RNF213: variants seen among roughly 807,000 people sequenced by gnomAD.
The protein encoded by RNF213 is ring finger protein 213.
A neutral mutation model predicts 514.4 loss-of-function variants in RNF213; 341 were observed. The observed-to-expected ratio is 0.66, with a 90% CI of 0.61 to 0.73. The LOEUF (loss-of-function observed/expected upper bound fraction) is 0.73, where lower values mean the gene tolerates loss of function less well. RNF213 is among the 30% of genes least tolerant of loss of function. The pLI is 0.00. For synonymous variants in RNF213, 2,655 were observed against 2,658.2 expected (o/e 1.00, Z 0.04); for missense variants, 5,767 against 6,615.6 (o/e 0.87, Z 4.45).
intron 54 of RNF213, among the ~76,000 whole-genome samples, chr17:80,378,907 G>T (rs562493705): frequency 1.4e-4 from 21 of 152,124 alleles, no homozygotes; most frequent in Non-Finnish European, 3.1e-4. Context: ...GGTGTGGTAG[G>T]TCACACCTGT....
Position 80,273,223 on chromosome 17 carries a change from C to T in RNF213, c.98-18C>T. 1 of 1,613,318 alleles carries T rather than the reference C, an allele frequency of 6.2e-7. No individual in the cohort carries two copies. Among genetic ancestry groups the T allele is most frequent in the Non-Finnish European group, 8.5e-7 (1 of 1,179,836 alleles). Reference sequence around the variant, plus strand: ...GCTTCTCTCTGAGATCTGACCCTTCCTTCATCTGCCGTTACAGATTCTGAG... The same window carrying T: ...GCTTCTCTCTGAGATCTGACCCTTCTTTCATCTGCCGTTACAGATTCTGAG... On this transcript the variant is annotated intron_variant, in intron 2 of 67. Coordinates refer to ENST00000582970, the MANE Select transcript of RNF213 (RefSeq NM_001256071.3).
At chr17:80,284,360 G>A (rs867542595) in intron 3 of RNF213, among the ~76,000 whole-genome samples, 1 of 150,338 alleles carries the variant, frequency 6.7e-6, no homozygotes, top group Non-Finnish European at 1.5e-5. Context: ...GTGAAACTTC[G>A]TCTCAAAAAA....
intron 8 of RNF213, among the ~76,000 whole-genome samples, chr17:80,293,137 A>G (rs1296402108): frequency 6.6e-6 from 1 of 151,982 alleles, no homozygotes; most frequent in African/African-American, 2.4e-5. Flanking sequence ...GGCTCACTAC[A>G]GCCTCAACCA....
At chr17:80,290,500 CGT>C in intron 6 of RNF213, 68 bp from the exon 7 acceptor site, 1 of 1,560,764 alleles carries the variant, frequency 6.4e-7, no homozygotes, top group Non-Finnish European at 8.8e-7. Context: ...TGTGTGTGCG[CGT>C]GTGTGCATGC....
At chr17:80,389,462 G>A in intron 65 of RNF213, 95 bp downstream of exon 65, 1 of 1,112,878 alleles carries the variant, frequency 9.0e-7, no homozygotes, top group Non-Finnish European at 1.3e-6. Context: ...TGCCACTCTA[G>A]GCGCTCCTGA....
At chr17:80,285,828 G>A (rs1017660291) in intron 3 of RNF213, among the ~76,000 whole-genome samples, 9 of 152,068 alleles carry the variant, frequency 5.9e-5, no homozygotes, top group African/African-American at 1.9e-4. Flanking sequence ...CTGCCACCAC[G>A]CCCAGCTAAT....
At chr17:80,370,990 G>A (rs1001743541) in intron 46 of RNF213, among the ~76,000 whole-genome samples, 5 of 148,882 alleles carry the variant, frequency 3.4e-5, no homozygotes, top group African/African-American at 9.8e-5. Context: ...GCAATTTGTG[G>A]TGATATTAAT....
intron 41 of RNF213, among the ~76,000 whole-genome samples, 192 bp downstream of exon 41, chr17:80,363,982 C>T (rs528569418): frequency 1.1e-4 from 16 of 152,284 alleles, no homozygotes; most frequent in African/African-American, 3.1e-4. Flanking sequence ...GCTGGAGACA[C>T]GAGAGGCGGC....
At chr17:80,382,953 C>T in intron 57 of RNF213, 26 bp from the exon 58 acceptor site, 3 of 1,478,096 alleles carry the variant, frequency 2.0e-6, no homozygotes, top group Non-Finnish European at 2.8e-6. Context: ...CCTTGGGTAA[C>T]CTACACATTT....
At position 80,367,805 on chromosome 17, in the gene RNF213, A is replaced by G. The variant is rs768677550; in HGVS notation, c.11929A>G (p.Thr3977Ala). ...CGGGCCTTTTGAGGCCGTGATGCGC[A>G]CTCTCTGTGAATGCAAGGAGACAGC... is the stretch of plus-strand genomic sequence containing the variant. ...THGPFEAVMRTLCECKETASK... is the reference protein window; with the variant it reads ...THGPFEAVMRALCECKETASK... The change falls in exon 43 of 68, where the codon ACT becomes GCT. Residue 3977 changes from threonine to alanine, a missense_variant. Thr to Ala is a moderately conservative substitution (Grantham distance 58). Coordinates refer to ENST00000582970, the MANE Select transcript of RNF213 (RefSeq NM_001256071.3). The G allele has an allele frequency of 3.7e-6, 6 of 1,614,104 alleles. No individual in the cohort carries two copies. Among genetic ancestry groups the G allele is most frequent in the Non-Finnish European group, 3.4e-6 (4 of 1,180,008 alleles).
In RNF213 at chr17:80,282,099, C is replaced by T. The variant is rs565105601; in HGVS notation, c.262-5716C>T. 3.6e-4 allele frequency among the ~76,000 whole-genome samples: 55 copies of T among 152,172 alleles called. 1 individual carries two copies. The South Asian group carries it at 8.7e-3, about 24-fold the overall frequency. On this transcript the variant is annotated intron_variant, in intron 3 of 67. Coordinates refer to ENST00000582970, the MANE Select transcript of RNF213 (RefSeq NM_001256071.3). ...TTCAAGCTCCTGACCTCAAGGAATC[C>T]GCCTGCCTTGACCTCCCAAAGTATT...
chr17:80,336,440 G>T, intron 23 of RNF213, 62 bp downstream of exon 23: 1 of 1,409,532 alleles, frequency 7.1e-7, no homozygotes, highest in South Asian at 1.2e-5. Context: ...AGCAACGTTA[G>T]GGCAGTGACT....
intron 67 of RNF213, among the ~76,000 whole-genome samples, 173 bp from the exon 68 acceptor site, chr17:80,393,172 G>C (rs2080552168): frequency 1.3e-5 from 2 of 151,918 alleles, no homozygotes. Context: ...CTAGAGACAG[G>C]GTTTCGCCAT....
chr17:80,359,644 A>G (rs559168460), intron 37 of RNF213, among the ~76,000 whole-genome samples: 1 of 152,126 alleles, frequency 6.6e-6, no homozygotes, highest in Non-Finnish European at 1.5e-5. Context: ...AGTGAGAGAA[A>G]GAAAGAAATG....
At chr17:80,319,724 T>A (rs1381642349) in intron 17 of RNF213, 2 of 1,406,198 alleles carry the variant, frequency 1.4e-6, no homozygotes. Flanking sequence ...ATATGTGAAA[T>A]GGAAAATTGT....
rs541085247 is a variant in RNF213, at chr17:80,324,272, C to A, written c.3025-758C>A. On this transcript the variant is annotated intron_variant, in intron 17 of 67. Coordinates refer to ENST00000582970, the MANE Select transcript of RNF213 (RefSeq NM_001256071.3). ...TTTGTGGAAGTTCCTTTTTGTTCCTCATTTGTTGAATGCTTTTTTTTCTTT... is the reference window on the plus strand; with the variant it reads ...TTTGTGGAAGTTCCTTTTTGTTCCTAATTTGTTGAATGCTTTTTTTTCTTT... 2.0e-5 allele frequency among the ~76,000 whole-genome samples: 3 copies of A among 152,286 alleles called. No homozygotes were observed. The South Asian group carries it at 6.2e-4, about 32-fold the overall frequency.
At chr17:80,352,044 G>T in intron 32 of RNF213, 1 of 356,542 alleles carries the variant, frequency 2.8e-6, no homozygotes. Context: ...TAGTAGTGAC[G>T]GGGTTTCACC....
chr17:80,347,180 G>T lies in RNF213; in HGVS notation c.8845G>T (p.Glu2949Ter). Residue 2949 changes from glutamate to a stop codon, truncating the protein, a stop_gained, in exon 29 of 68, where the codon GAA becomes TAA. Coordinates refer to ENST00000582970, the MANE Select transcript of RNF213 (RefSeq NM_001256071.3). LOFTEE classifies it high-confidence loss of function. The surrounding 1 kb of genome is among the most constrained non-coding windows in gnomAD (Gnocchi z 7.2). ...YETVCKRQDKEFFGLRDYYSL... is the reference protein window; with the variant it reads ...YETVCKRQDK ...AACGGTGTGTAAGCGCCAGGACAAG[G>T]AATTCTTCGGGCTTCGTGACTACTA... The T allele has an allele frequency of 6.2e-7, 1 of 1,613,850 alleles. No individual in the cohort carries two copies. Among genetic ancestry groups the T allele is most frequent in the Non-Finnish European group, 8.5e-7 (1 of 1,179,954 alleles).
chr17:80,374,004 CAAAA>C (rs397968636), intron 49 of RNF213, among the ~76,000 whole-genome samples: 1 of 96,200 alleles, frequency 1.0e-5, no homozygotes, highest in Non-Finnish European at 2.1e-5. Flanking sequence ...GACTCCGTCT[CAAAA>C]AAAAAAAAAA....
Sources: gnomAD v4.1 joint callset for allele counts (sites outside exome capture counted in the v4.1 genomes callset) on GRCh38, gnomAD v4.1.1 for gene constraint, Gnocchi (gnomAD v3.1) non-coding constraint, MANE v1.5 for transcripts, NCBI Gene and HGNC (gene_info 2026-07-23, HGNC 2026-07-21) for gene names.